The following RAB20 variants were observed in gnomAD, a reference collection of about 807,000 sequenced individuals.
RAB20 encodes the protein ras-related protein Rab-20.
RAB20 carries 2 observed loss-of-function variants against 3.7 expected under a neutral mutation model. The observed-to-expected ratio is 0.54, with a 90% confidence interval of 0.22 to 1.69. The LOEUF (loss-of-function observed/expected upper bound fraction) is 1.69. Ranked by LOEUF, RAB20 falls within the 40% of genes most tolerant of loss-of-function variation. The pLI is 0.19. For synonymous variants in RAB20, 126 were observed against 130.8 expected (o/e 0.96, Z 0.25); for missense variants, 276 against 311.9 (o/e 0.88, Z 0.87).
intron 1 of RAB20, among the ~76,000 whole-genome samples, chr13:110,550,271 T>G (rs1038321602): frequency 1.3e-5 from 2 of 152,236 alleles, no homozygotes; most frequent in Non-Finnish European, 2.9e-5. Context: ...CCTTGCTCCA[T>G]GTGTCTCTTC....
intron 1 of RAB20, among the ~76,000 whole-genome samples, chr13:110,532,047 A>AAG (rs151244847): frequency 0.012 from 1,856 of 152,286 alleles, 46 homozygotes; most frequent in African/African-American, 0.043. Context: ...TGGTTTAAAT[A>AAG]AGAGTGGGTT....
chr13:110,547,278 A>C (rs1253194241), intron 1 of RAB20, among the ~76,000 whole-genome samples: 3 of 152,266 alleles, frequency 2.0e-5, no homozygotes, highest in Admixed American at 6.5e-5. Context: ...TAAATGAGAA[A>C]GCGCAGCTCA....
At chr13:110,537,458 T>C (rs537354612) in intron 1 of RAB20, among the ~76,000 whole-genome samples, 2 of 151,960 alleles carry the variant, frequency 1.3e-5, no homozygotes, top group South Asian at 2.1e-4. Context: ...GAAAAAGATA[T>C]CAAAGAAAAA....
At chr13:110,541,393 A>G (rs1301714974) in intron 1 of RAB20, among the ~76,000 whole-genome samples, 6 of 152,250 alleles carry the variant, frequency 3.9e-5, no homozygotes, top group Non-Finnish European at 7.3e-5. Context: ...ATAGGCCACC[A>G]GCTTTAGCAC....
At chr13:110,548,731 CCCACCTCAAATCTGCACT>C (rs1884898873) in intron 1 of RAB20, among the ~76,000 whole-genome samples, 1 of 152,040 alleles carries the variant, frequency 6.6e-6, no homozygotes, top group South Asian at 2.1e-4. Flanking sequence ...TTGACAAAAA[CCCACCTCAAATCTGCACT>C]CCCCAACCTG....
intron 1 of RAB20, 138 bp downstream of exon 1, chr13:110,561,210 G>C: frequency 3.4e-6 from 4 of 1,167,598 alleles, no homozygotes; most frequent in East Asian, 3.0e-5. Flanking sequence ...GGGAGGACGA[G>C]TGGGAAACCC....
chr13:110,533,236 C>A (rs532881764), intron 1 of RAB20, among the ~76,000 whole-genome samples: 1 of 152,340 alleles, frequency 6.6e-6, no homozygotes, highest in Admixed American at 6.5e-5. Context: ...CAGGTTGCAT[C>A]CACAAATACG....
At chr13:110,554,975 A>C (rs1885015304) in intron 1 of RAB20, among the ~76,000 whole-genome samples, 1 of 108,560 alleles carries the variant, frequency 9.2e-6, no homozygotes, top group Admixed American at 1.1e-4. Flanking sequence ...CCAAGCTGTG[A>C]AGCTGAGCGG....
At chr13:110,542,826 G>C (rs1157294409) in intron 1 of RAB20, among the ~76,000 whole-genome samples, 1 of 152,130 alleles carries the variant, frequency 6.6e-6, no homozygotes, top group African/African-American at 2.4e-5. Context: ...CCCAGCAGTG[G>C]GACTGCTGGA....
At position 110,546,730 on chromosome 13, in the gene RAB20, GTTT is replaced by G. The variant is rs1566589421; in HGVS notation, c.172+14615_172+14617del. ...TTTTTGTTTTTTGGGTTTTTTGTTT[GTTT>G]GTTTGTTTGTTTGTTTGTTTTTGAG... On this transcript the variant is annotated intron_variant, in intron 1 of 1. Coordinates refer to ENST00000267328, the MANE Select transcript of RAB20 (RefSeq NM_017817.3). 1.3e-4 allele frequency among the ~76,000 whole-genome samples: 18 copies of G among 142,332 alleles called. No individual in the cohort carries two copies. In the East Asian group the frequency reaches 3.6e-3, roughly 29 times the overall value. 93.4% of individuals were successfully genotyped at this position (142,332 alleles called of 152,430 possible).
chr13:110,545,246 A>G, intron 1 of RAB20, among the ~76,000 whole-genome samples: 1 of 152,176 alleles, frequency 6.6e-6, no homozygotes, highest in Non-Finnish European at 1.5e-5. Context: ...TGGATACCCC[A>G]TTTTCCACGA....
intron 1 of RAB20, among the ~76,000 whole-genome samples, chr13:110,551,052 TGTCA>T (rs1275663301): frequency 2.0e-5 from 3 of 152,246 alleles, no homozygotes; most frequent in Admixed American, 6.5e-5. Flanking sequence ...AAACTGCTAA[TGTCA>T]GTCTGTGAAT....
At chr13:110,535,646 G>A (rs554692366) in intron 1 of RAB20, among the ~76,000 whole-genome samples, 148 of 152,306 alleles carry the variant, frequency 9.7e-4, no homozygotes, top group South Asian at 6.0e-3. Context: ...AAATGCCTGT[G>A]CAGTGACTAA....
chr13:110,547,799 AG>A (rs2139586382), intron 1 of RAB20, among the ~76,000 whole-genome samples: 1 of 152,364 alleles, frequency 6.6e-6, no homozygotes, highest in African/African-American at 2.4e-5. Flanking sequence ...CAAAGCTATA[AG>A]GCCAAAGTCT....
intron 1 of RAB20, among the ~76,000 whole-genome samples, chr13:110,552,565 C>A (rs1032858467): frequency 5.3e-5 from 8 of 150,708 alleles, no homozygotes; most frequent in Non-Finnish European, 7.4e-5. Flanking sequence ...CGGTGGCGGG[C>A]GCCTGTAGTC....
At chr13:110,557,815 G>T (rs977144045) in intron 1 of RAB20, among the ~76,000 whole-genome samples, 1 of 152,356 alleles carries the variant, frequency 6.6e-6, no homozygotes, top group African/African-American at 2.4e-5. Flanking sequence ...CCTCCCGGCC[G>T]CCAGGCCACG....
intron 1 of RAB20, among the ~76,000 whole-genome samples, chr13:110,526,739 C>T (rs1884436467): frequency 6.6e-6 from 1 of 152,212 alleles, no homozygotes; most frequent in Non-Finnish European, 1.5e-5. Flanking sequence ...ACAGGGCCAG[C>T]AGGTGCTTCC....
At chr13:110,556,197 G>A (rs1885036186) in intron 1 of RAB20, among the ~76,000 whole-genome samples, 1 of 152,218 alleles carries the variant, frequency 6.6e-6, no homozygotes, top group African/African-American at 2.4e-5. Flanking sequence ...GGTGAGGGAC[G>A]CTGAGCCTGC....
chr13:110,529,248 G>T lies in RAB20; in HGVS notation c.173-5051C>A, dbSNP rs1432107715. 5.9e-5 allele frequency among the ~76,000 whole-genome samples: 9 copies of T among 152,334 alleles called. 1 individual carries two copies. The highest frequency in any genetic ancestry group is 2.4e-5 in the African/African-American group (1 of 41,572). On this transcript the variant is annotated intron_variant, in intron 1 of 1. Coordinates refer to ENST00000267328, the MANE Select transcript of RAB20 (RefSeq NM_017817.3). ...TCCAAGGACCCTCACGCGTTTTCTG[G>T]AAGTTTGTGAATGTGCTCTGAGCCG...
Sources: gnomAD v4.1 joint callset for allele counts (sites outside exome capture counted in the v4.1 genomes callset) on GRCh38, gnomAD v4.1.1 for gene constraint, MANE v1.5 for transcripts, NCBI Gene and HGNC (gene_info 2026-07-23, HGNC 2026-07-21) for gene names.